The following USP53 variants were observed in gnomAD, a reference collection of about 807,000 sequenced individuals.
USP53 encodes ubiquitin carboxyl-terminal hydrolase 53.
A neutral mutation model predicts 94.9 loss-of-function variants in USP53; 71 were observed. The observed-to-expected ratio is 0.75, with a 90% CI of 0.62 to 0.91. The LOEUF (loss-of-function observed/expected upper bound fraction) is 0.91, where lower values mean the gene tolerates loss of function less well. Ranked by LOEUF, USP53 falls within the 40% of genes least tolerant of loss-of-function variation. The pLI is 0.00. For synonymous variants in USP53, 375 were observed against 422.7 expected, an observed-to-expected ratio of 0.89 and a Z score of 1.39; for missense variants, 1,173 against 1,281.0, an observed-to-expected ratio of 0.92 and a Z score of 1.29.
At chr4:119,261,630 T>G in intron 11 of USP53, 85 bp from the exon 12 acceptor site, 2 of 1,088,910 alleles carry the variant, frequency 1.8e-6, no homozygotes, top group Non-Finnish European at 2.6e-6. Context: ...TATTTCATTA[T>G]GTGTCAAAGA....
intron 14 of USP53, among the ~76,000 whole-genome samples, chr4:119,269,141 T>C (rs1318172536): frequency 2.6e-5 from 4 of 152,232 alleles, no homozygotes; most frequent in African/African-American, 9.6e-5. Context: ...CTCTTTTCCT[T>C]TCACAGATTA....
chr4:119,219,688 C>A (rs1744250689), intron 3 of USP53: 1 of 152,140 alleles, frequency 6.6e-6, no homozygotes, highest in African/African-American at 2.4e-5. Flanking sequence ...AGTGTCATCC[C>A]CTTTTGGGGG....
At position 119,248,630 on chromosome 4, in the gene USP53, AAAGACTTCTGT is replaced by A. The variant is rs202246825; in HGVS notation, c.238-116_238-106del. 4.5e-4 allele frequency: 570 copies of A among 1,262,496 alleles called. 3 individuals carry two copies. In the African/African-American group the frequency reaches 7.5e-3, roughly 17 times the overall value. The allele number at this position is 1,262,496 out of a possible 1,614,324, so 78.2% of individuals were successfully genotyped here. On this transcript the variant is annotated intron_variant, in intron 6 of 18. Transcript: ENST00000692078. Reference sequence around the variant, plus strand: ...AATTTTTGTATGAAATTTTAGAGCAAAAGACTTCTGTATTATTTTCCAAGTATAGTGTTTTG... The same window carrying A: ...AATTTTTGTATGAAATTTTAGAGCAAATTATTTTCCAAGTATAGTGTTTTG...
chr4:119,271,647 T>A lies in USP53; in HGVS notation c.1787T>A (p.Ile596Asn). The change falls in exon 16 of 19, where the codon ATT becomes AAT. Residue 596 changes from isoleucine (I) to asparagine (N), a missense_variant. Coordinates refer to ENST00000692078, the MANE Select transcript of USP53 (RefSeq NM_001371395.1). ...PMRETLNVDS[I>N]FSESEKRQHS... Reference sequence around the variant, plus strand: ...AGAGAAACATTAAATGTTGATAGTATTTTTAGTGAAAGTGAAAAAAGACAG... The same window carrying A: ...AGAGAAACATTAAATGTTGATAGTAATTTTAGTGAAAGTGAAAAAAGACAG... The A allele has an allele frequency of 3.7e-6, 6 of 1,613,926 alleles. No homozygotes were observed. Among genetic ancestry groups the A allele is most frequent in the Non-Finnish European group, 5.1e-6 (6 of 1,180,032 alleles).
intron 5 of USP53, among the ~76,000 whole-genome samples, chr4:119,240,786 G>T (rs1362275711): frequency 6.6e-6 from 1 of 152,152 alleles, no homozygotes; most frequent in Non-Finnish European, 1.5e-5. Context: ...ACCTGAGACA[G>T]ATGCCAAACT....
intron 7 of USP53, among the ~76,000 whole-genome samples, chr4:119,255,571 A>G (rs1749646851): frequency 6.6e-6 from 1 of 152,020 alleles, no homozygotes; most frequent in South Asian, 2.1e-4. Context: ...CGGGAGGGGA[A>G]CTCCTGGTCT....
At chr4:119,238,353 G>T (rs998064511) in intron 4 of USP53, among the ~76,000 whole-genome samples, 1 of 152,150 alleles carries the variant, frequency 6.6e-6, no homozygotes. Flanking sequence ...GAGTAGGGAG[G>T]CCTGAGGAAA....
In USP53 at chr4:119,293,076, A is replaced by T. The variant is rs1412555642; in HGVS notation, c.3087A>T (p.Pro1029=). ...AACTAGACTCTATTTCTACCTGTCC[A>T]AATGAGACAGTTTCATTAACTACCT... is the stretch of plus-strand genomic sequence containing the variant. ...QPELDSISTC[P]NETVSLTTYF... The change falls in exon 19 of 19, where the codon CCA becomes CCT. Residue 1029 remains proline (P), a synonymous_variant. Coordinates refer to ENST00000692078, the MANE Select transcript of USP53 (RefSeq NM_001371395.1). 1 of 1,614,144 alleles carries T rather than the reference A, an allele frequency of 6.2e-7. No homozygotes were observed. The highest frequency in any genetic ancestry group is 2.2e-5 in the East Asian group (1 of 44,890).
Position 119,268,267 on chromosome 4 carries a change from G to T in USP53, c.1136-1G>T. ...GATACATTTTTGCTTCTCTTTTTAA[G>T]GATGTGAAAAGCCTGTAATTCATAA... On this transcript the variant is annotated splice_acceptor_variant, in intron 13 of 18. Coordinates refer to ENST00000692078, the MANE Select transcript of USP53 (RefSeq NM_001371395.1). LOFTEE classifies it high-confidence loss of function. 1.2e-6 allele frequency: 2 copies of T among 1,604,188 alleles called. No homozygotes were observed. The highest frequency in any genetic ancestry group is 1.1e-5 in the South Asian group (1 of 90,160).
chr4:119,225,992 A>C (rs1226103913), intron 3 of USP53, among the ~76,000 whole-genome samples: 2 of 152,224 alleles, frequency 1.3e-5, no homozygotes, highest in Non-Finnish European at 2.9e-5. Context: ...AGAATCATAT[A>C]ATCATCTTAG....
At chr4:119,259,672 G>T in intron 9 of USP53, 148 bp from the exon 10 acceptor site, 2 of 533,622 alleles carry the variant, frequency 3.7e-6, no homozygotes, top group South Asian at 3.3e-5. Flanking sequence ...TCACTTTATG[G>T]AAATGTACTT....
chr4:119,290,043 A>T (rs1266344217), intron 17 of USP53, among the ~76,000 whole-genome samples: 1 of 152,184 alleles, frequency 6.6e-6, no homozygotes, highest in Admixed American at 6.5e-5. Context: ...TTGTAGAGAG[A>T]AATCCAAATG....
chr4:119,256,100 G>A, intron 7 of USP53, 146 bp from the exon 8 acceptor site: 1 of 582,046 alleles, frequency 1.7e-6, no homozygotes, highest in Non-Finnish European at 3.0e-6. Context: ...CGATCAAAGT[G>A]TTGATTAGAG....
intron 5 of USP53, among the ~76,000 whole-genome samples, chr4:119,242,292 G>T (rs1480520223): frequency 6.6e-6 from 1 of 152,104 alleles, no homozygotes; most frequent in Non-Finnish European, 1.5e-5. Context: ...CTAGAAGTTT[G>T]TTCTGGGACA....
intron 3 of USP53, among the ~76,000 whole-genome samples, chr4:119,230,785 G>A (rs1418925954): frequency 6.6e-6 from 1 of 152,186 alleles, no homozygotes; most frequent in African/African-American, 2.4e-5. Flanking sequence ...AACGAGATAT[G>A]CATATTCAAC....
intron 17 of USP53, among the ~76,000 whole-genome samples, chr4:119,281,717 G>C (rs1052651697): frequency 6.6e-6 from 1 of 152,104 alleles, no homozygotes; most frequent in African/African-American, 2.4e-5. Flanking sequence ...AGATTTTGAT[G>C]GTCAGAAGTG....
intron 17 of USP53, 37 bp downstream of exon 17, chr4:119,273,745 A>G (rs1752177247): frequency 6.6e-7 from 1 of 1,523,660 alleles, no homozygotes; most frequent in Non-Finnish European, 9.0e-7. Context: ...TTGCTGTAAA[A>G]AATGAATTAT....
chr4:119,281,573 G>C (rs1025354027), intron 17 of USP53, among the ~76,000 whole-genome samples: 1 of 152,144 alleles, frequency 6.6e-6, no homozygotes, highest in African/African-American at 2.4e-5. Context: ...TGGTAACCAA[G>C]TATTACAGGA....
At chr4:119,261,105 A>G (rs1001238866) in intron 11 of USP53, among the ~76,000 whole-genome samples, 1 of 151,678 alleles carries the variant, frequency 6.6e-6, no homozygotes, top group African/African-American at 2.4e-5. Flanking sequence ...GATTACAGGC[A>G]TGCACCACCA....
Sources: allele counts gnomAD v4.1 joint callset (sites outside exome capture counted in the v4.1 genomes callset), GRCh38; gene constraint gnomAD v4.1.1; transcripts MANE v1.5; gene names NCBI Gene and HGNC (gene_info 2026-07-23, HGNC 2026-07-21).